JAZF1: variants seen among roughly 807,000 people sequenced by gnomAD.
The protein encoded by JAZF1 is JAZF zinc finger 1, also known as juxtaposed with another zinc finger protein 1.
A neutral mutation model predicts 26.4 loss-of-function variants in JAZF1; 8 were observed. That is an observed-to-expected ratio of 0.30 (90% confidence interval 0.18 to 0.55). JAZF1 has a LOEUF of 0.55. Ranked by LOEUF, JAZF1 falls within the 20% of genes least tolerant of loss-of-function variation. JAZF1 has a pLI of 0.94. For missense variants in JAZF1, 199 were observed against 322.0 expected, an observed-to-expected ratio of 0.62 and a Z score of 2.92; for synonymous variants, 126 against 122.3, an observed-to-expected ratio of 1.03 and a Z score of -0.20.
intron 1 of JAZF1, among the ~76,000 whole-genome samples, chr7:28,137,667 C>T (rs1168967532): frequency 6.6e-6 from 1 of 152,128 alleles, no homozygotes; most frequent in Non-Finnish European, 1.5e-5. Flanking sequence ...TGATGCCTCC[C>T]CCTCTCCACA....
intron 3 of JAZF1, among the ~76,000 whole-genome samples, chr7:27,884,237 T>A (rs1384884889): frequency 6.6e-6 from 1 of 152,164 alleles, no homozygotes; most frequent in Non-Finnish European, 1.5e-5. Context: ...ACTCAAGCCA[T>A]CCTCCCTGCC....
intron 1 of JAZF1, among the ~76,000 whole-genome samples, chr7:28,031,422 C>T (rs1006756072): frequency 2.6e-5 from 4 of 152,078 alleles, no homozygotes; most frequent in Admixed American, 6.6e-5. Context: ...TGTGGGAAGA[C>T]GCTCACTCCC....
At chr7:28,137,870 CAATT>C (rs1782908890) in intron 1 of JAZF1, among the ~76,000 whole-genome samples, 1 of 152,178 alleles carries the variant, frequency 6.6e-6, no homozygotes, top group Admixed American at 6.5e-5. Flanking sequence ...TGTATTCATT[CAATT>C]GTCATGACAA....
Position 28,136,958 on chromosome 7 carries a change from C to T in JAZF1, c.115+43505G>A, listed in dbSNP as rs576737517. Among the ~76,000 whole-genome samples, 12 of 152,278 alleles carry T rather than the reference C, an allele frequency of 7.9e-5. No individual in the cohort carries two copies. In the East Asian group the frequency reaches 2.1e-3, roughly 27 times the overall value. Reference sequence around the variant, plus strand: ...CTCGCAGGAGATGAGGCTGCAGGGCCAGAAAATAGCAATGGCCAATGCTGA... The same window carrying T: ...CTCGCAGGAGATGAGGCTGCAGGGCTAGAAAATAGCAATGGCCAATGCTGA... On this transcript the variant is annotated intron_variant, in intron 1 of 4. Transcript: ENST00000283928.
At chr7:28,006,201 C>T (rs1272806015) in intron 1 of JAZF1, among the ~76,000 whole-genome samples, 1 of 152,028 alleles carries the variant, frequency 6.6e-6, no homozygotes, top group Non-Finnish European at 1.5e-5. Context: ...GAAACCCCAT[C>T]TCTACTAAAA....
At position 27,853,205 on chromosome 7, in the gene JAZF1, C is replaced by G. The variant is rs193047459; in HGVS notation, c.386-12338G>C. Among the ~76,000 whole-genome samples, 202 of 152,300 alleles carry G rather than the reference C, an allele frequency of 1.3e-3. 2 individuals are homozygous for G. In the Middle Eastern group the frequency reaches 0.031, roughly 23 times the overall value. On this transcript the variant is annotated intron_variant, in intron 3 of 4. Transcript: ENST00000283928. ...TTTGATCTTTTACATCCTCCCAACC[C>G]TCTTTCTGCACCTTCCCTCCTCCCA...
intron 1 of JAZF1, among the ~76,000 whole-genome samples, chr7:28,008,788 CAT>C (rs1782746634): frequency 6.6e-6 from 1 of 152,168 alleles, no homozygotes; most frequent in African/African-American, 2.4e-5. Context: ...TCCAAAGAGC[CAT>C]ATGACTTTTC....
At chr7:27,869,605 C>A (rs528381869) in intron 3 of JAZF1, among the ~76,000 whole-genome samples, 1 of 152,072 alleles carries the variant, frequency 6.6e-6, no homozygotes, top group African/African-American at 2.4e-5. Flanking sequence ...ATGCAGGAAC[C>A]AAGGGGTTGC....
intron 3 of JAZF1, among the ~76,000 whole-genome samples, chr7:27,848,199 G>C (rs555258609): frequency 6.6e-6 from 1 of 152,236 alleles, no homozygotes; most frequent in South Asian, 2.1e-4. Context: ...ATGAGCAAGG[G>C]ATATTTTTCA....
chr7:28,061,267 G>A (rs947451921), intron 1 of JAZF1, among the ~76,000 whole-genome samples: 3 of 152,210 alleles, frequency 2.0e-5, no homozygotes, highest in Non-Finnish European at 4.4e-5. Context: ...ACCTTACAAT[G>A]CAGATGCTGC....
At chr7:28,167,092 A>T (rs1471795542) in intron 1 of JAZF1, among the ~76,000 whole-genome samples, 1 of 152,176 alleles carries the variant, frequency 6.6e-6, no homozygotes, top group Admixed American at 6.5e-5. Flanking sequence ...CTTCATAGTC[A>T]TGTTTCTACT....
At chr7:28,075,918 G>T in intron 1 of JAZF1, among the ~76,000 whole-genome samples, 1 of 152,230 alleles carries the variant, frequency 6.6e-6, no homozygotes, top group East Asian at 1.9e-4. Context: ...AGAGACAAGA[G>T]ATAGAGAACT....
intron 1 of JAZF1, among the ~76,000 whole-genome samples, chr7:28,173,063 G>A (rs528732090): frequency 7.3e-4 from 111 of 152,182 alleles, no homozygotes; most frequent in Admixed American, 1.2e-3. Context: ...GCCCAGCTAC[G>A]TATACTGCTA....
Position 28,029,907 on chromosome 7 carries a change from T to G in JAZF1, c.116-37926A>C, listed in dbSNP as rs550777529. 1.5e-4 allele frequency among the ~76,000 whole-genome samples: 23 copies of G among 152,316 alleles called. 1 individual carries two copies. The highest frequency in any genetic ancestry group is 1.0e-3 in the Admixed American group (16 of 15,300). On this transcript the variant is annotated intron_variant, in intron 1 of 4. Coordinates refer to ENST00000283928, the MANE Select transcript of JAZF1 (RefSeq NM_175061.4). Reference sequence around the variant, plus strand: ...TAAAGTGCTACACATTTCTTGAAAGTCAAGGGGTTGAGGTGAATGGAGCAC... The same window carrying G: ...TAAAGTGCTACACATTTCTTGAAAGGCAAGGGGTTGAGGTGAATGGAGCAC...
At chr7:28,170,293 A>G (rs949732405) in intron 1 of JAZF1, among the ~76,000 whole-genome samples, 5 of 151,908 alleles carry the variant, frequency 3.3e-5, no homozygotes, top group African/African-American at 1.2e-4. Flanking sequence ...GAACATAATT[A>G]CATGATTTTA....
intron 1 of JAZF1, among the ~76,000 whole-genome samples, chr7:28,009,965 T>G (rs1376488441): frequency 6.6e-6 from 1 of 152,158 alleles, no homozygotes; most frequent in Non-Finnish European, 1.5e-5. Flanking sequence ...GATAAGAGAT[T>G]TAGGTAAAAC....
intron 1 of JAZF1, among the ~76,000 whole-genome samples, chr7:28,006,813 G>A (rs368224256): frequency 6.6e-6 from 1 of 152,194 alleles, no homozygotes; most frequent in Non-Finnish European, 1.5e-5. Flanking sequence ...ACACTGTTCA[G>A]TAACAATGCT....
chr7:28,180,008 C>G (rs1783614296), intron 1 of JAZF1, among the ~76,000 whole-genome samples: 1 of 146,568 alleles, frequency 6.8e-6, no homozygotes, highest in African/African-American at 2.5e-5. Flanking sequence ...CAGCGCCCGC[C>G]CCCCGCTGCC....
chr7:28,009,541 T>C (rs890632522), intron 1 of JAZF1, among the ~76,000 whole-genome samples: 24 of 144,800 alleles, frequency 1.7e-4, no homozygotes, highest in African/African-American at 6.0e-4. Context: ...TGGAGTGCAG[T>C]GGCACGATCT....
Sources: allele counts gnomAD v4.1 joint callset (sites outside exome capture counted in the v4.1 genomes callset), GRCh38; gene constraint gnomAD v4.1.1; transcripts MANE v1.5; gene names NCBI Gene and HGNC (gene_info 2026-07-23, HGNC 2026-07-21).